Variants in SPATA16 observed in about 807,000 individuals in gnomAD.
SPATA16 encodes spermatogenesis-associated protein 16.
A neutral mutation model predicts 63.3 loss-of-function variants in SPATA16; 36 were observed. The observed-to-expected ratio is 0.57, with a 90% CI of 0.44 to 0.75. The LOEUF is 0.75. Ranked by LOEUF, SPATA16 falls within the 30% of genes least tolerant of loss-of-function variation. SPATA16 has a pLI of 0.00. For missense variants in SPATA16, 646 were observed against 679.3 expected, an observed-to-expected ratio of 0.95 and a Z score of 0.54; for synonymous variants, 203 against 216.7, an observed-to-expected ratio of 0.94 and a Z score of 0.56.
intron 6 of SPATA16, among the ~76,000 whole-genome samples, chr3:172,937,972 G>A (rs904553218): frequency 2.0e-5 from 3 of 152,014 alleles, no homozygotes; most frequent in African/African-American, 7.3e-5. Flanking sequence ...TGAGAAGGGG[G>A]GTAAACAGAT....
Position 173,124,398 on chromosome 3 carries a change from A to T in SPATA16, c.-18-6649T>A, listed in dbSNP as rs1373651626. Among the ~76,000 whole-genome samples, 4 of 152,226 alleles carry T rather than the reference A, an allele frequency of 2.6e-5. No homozygotes were observed. In the East Asian group the frequency reaches 7.7e-4, roughly 29 times the overall value. On this transcript the variant is annotated intron_variant, in intron 1 of 10. Coordinates refer to ENST00000351008, the MANE Select transcript of SPATA16 (RefSeq NM_031955.6). ...TGTAAGAGAAGCTGAACTTAGTAAG[A>T]GAAGAGGTTTGGTAATTCCACAAGC...
intron 8 of SPATA16, among the ~76,000 whole-genome samples, chr3:172,916,829 TTATC>T (rs1351579493): frequency 5.3e-5 from 8 of 152,206 alleles, no homozygotes; most frequent in African/African-American, 1.7e-4. Context: ...AGGGGCGACT[TTATC>T]TATATCACCA....
chr3:173,081,872 A>G (rs1736932100), intron 2 of SPATA16, among the ~76,000 whole-genome samples: 1 of 152,342 alleles, frequency 6.6e-6, no homozygotes, highest in Non-Finnish European at 1.5e-5. Flanking sequence ...AGCTTCATAC[A>G]GATATCATTT....
rs138832722 is a variant in SPATA16, at chr3:172,894,984, C to A, written c.1588-5292G>T. On this transcript the variant is annotated intron_variant, in intron 10 of 10. Transcript: ENST00000351008. ...TAACAGCCTGAACAGGCTAAGGTAC[C>A]ATGTATCATAGTTAAAAAAAAATTA... Among the ~76,000 whole-genome samples the A allele has an allele frequency of 1.5e-4, 22 of 150,128 alleles. No homozygotes were observed. In the East Asian group the frequency reaches 3.9e-3, roughly 26 times the overall value.
rs138817980 is a variant in SPATA16, at chr3:172,970,908, C to T, written c.933+6060G>A. On this transcript the variant is annotated intron_variant, in intron 5 of 10. Transcript: ENST00000351008. ...TTTATATTTATTTGGGGTTAGCATA[C>T]ATTTTTATCAGGTAATGAGTAATAT... Among the ~76,000 whole-genome samples the T allele has an allele frequency of 6.6e-5, 10 of 152,234 alleles. No homozygotes were observed. The East Asian group carries it at 1.9e-3, about 29-fold the overall frequency.
intron 3 of SPATA16, among the ~76,000 whole-genome samples, chr3:173,024,480 T>A (rs1439907061): frequency 6.6e-6 from 1 of 151,018 alleles, no homozygotes; most frequent in Admixed American, 6.6e-5. Flanking sequence ...ATCAAAATGA[T>A]CTTGTGGACT....
intron 6 of SPATA16, among the ~76,000 whole-genome samples, chr3:172,947,770 GC>G (rs1359745198): frequency 1.3e-5 from 2 of 152,082 alleles, no homozygotes; most frequent in Admixed American, 6.5e-5. Flanking sequence ...ACTCACCGGG[GC>G]CTGTCGGGGA....
chr3:172,951,203 G>A (rs928189781), intron 6 of SPATA16, among the ~76,000 whole-genome samples: 5 of 151,886 alleles, frequency 3.3e-5, no homozygotes, highest in African/African-American at 1.2e-4. Flanking sequence ...AAAAAAATCA[G>A]TAATTTTTTT....
chr3:172,964,938 TG>T (rs1251630340), intron 5 of SPATA16, among the ~76,000 whole-genome samples: 1 of 152,240 alleles, frequency 6.6e-6, no homozygotes, highest in Non-Finnish European at 1.5e-5. Context: ...ACGTTTCATC[TG>T]GAGACAAGAT....
chr3:172,971,267 G>A (rs1042700901), intron 5 of SPATA16, among the ~76,000 whole-genome samples: 6 of 152,158 alleles, frequency 3.9e-5, no homozygotes, highest in Non-Finnish European at 5.9e-5. Flanking sequence ...TGTGAACTTG[G>A]AACACATGCG....
At chr3:173,089,861 C>A (rs894651542) in intron 2 of SPATA16, among the ~76,000 whole-genome samples, 6 of 152,134 alleles carry the variant, frequency 3.9e-5, no homozygotes, top group African/African-American at 1.4e-4. Context: ...GGGCCTAAGC[C>A]GTGGCTGAGA....
intron 3 of SPATA16, among the ~76,000 whole-genome samples, chr3:173,034,786 T>C (rs1735678203): frequency 6.6e-6 from 1 of 152,198 alleles, no homozygotes; most frequent in Admixed American, 6.6e-5. Flanking sequence ...ATTATCTCAA[T>C]ACTGGATTCA....
At chr3:173,108,906 C>T (rs1297939945) in intron 2 of SPATA16, among the ~76,000 whole-genome samples, 1 of 152,136 alleles carries the variant, frequency 6.6e-6, no homozygotes. Context: ...GCCATCTACG[C>T]TAGTGTAAGT....
intron 3 of SPATA16, among the ~76,000 whole-genome samples, chr3:173,029,783 T>C (rs1735559211): frequency 6.6e-6 from 1 of 152,006 alleles, no homozygotes; most frequent in Non-Finnish European, 1.5e-5. Flanking sequence ...GGATAGATTT[T>C]TATTTTTATT....
At chr3:173,046,499 T>G (rs984291176) in intron 3 of SPATA16, among the ~76,000 whole-genome samples, 1 of 152,040 alleles carries the variant, frequency 6.6e-6, no homozygotes, top group Non-Finnish European at 1.5e-5. Context: ...GTTTTTAAGC[T>G]AATTTTTGTG....
At chr3:172,992,873 C>G (rs1734611420) in intron 4 of SPATA16, among the ~76,000 whole-genome samples, 1 of 152,186 alleles carries the variant, frequency 6.6e-6, no homozygotes, top group African/African-American at 2.4e-5. Context: ...TAGGAATTTA[C>G]TGCCATGGCC....
chr3:173,101,667 T>A (rs1484080482), intron 2 of SPATA16, among the ~76,000 whole-genome samples: 3 of 152,134 alleles, frequency 2.0e-5, no homozygotes, highest in Admixed American at 2.0e-4. Flanking sequence ...TCTTCTAACA[T>A]CCTGGCCTTT....
At chr3:173,104,195 T>C (rs1737567071) in intron 2 of SPATA16, among the ~76,000 whole-genome samples, 1 of 152,212 alleles carries the variant, frequency 6.6e-6, no homozygotes, top group Non-Finnish European at 1.5e-5. Flanking sequence ...GTTACAATTA[T>C]TTAACCAGTT....
rs534476012 is a variant in SPATA16, at chr3:172,912,741, C to T, written c.1587+920G>A. ...CATATATACAATACGTGTGAATCAA[C>T]GCTTTATGTTACCATAAGGCTTTCA... On this transcript the variant is annotated intron_variant, in intron 10 of 10. Coordinates refer to ENST00000351008, the MANE Select transcript of SPATA16 (RefSeq NM_031955.6). Among the ~76,000 whole-genome samples the T allele has an allele frequency of 1.3e-3, 198 of 152,246 alleles. 1 individual carries two copies. The highest frequency in any genetic ancestry group is 3.4e-3 in the Middle Eastern group (1 of 294).
Sources: gnomAD v4.1 joint callset for allele counts (sites outside exome capture counted in the v4.1 genomes callset) on GRCh38, gnomAD v4.1.1 for gene constraint, MANE v1.5 for transcripts, NCBI Gene and HGNC (gene_info 2026-07-23, HGNC 2026-07-21) for gene names.